The following ANO1 variants were observed in gnomAD, a reference collection of about 807,000 sequenced individuals.
The protein encoded by ANO1 is anoctamin-1.
Under a neutral mutation model 124.0 loss-of-function variants are expected in ANO1, and 59 were observed. The ratio of observed to expected loss-of-function variants is 0.48; its 90% confidence interval spans 0.39 to 0.59. The LOEUF is 0.59. Among genes scored for constraint, ANO1 ranks in the 20% least tolerant of loss-of-function variants. The probability of loss-of-function intolerance (pLI) is 0.00; values close to 1 mark genes in which losing one functional copy is unlikely to be tolerated. For missense variants in ANO1, 1,059 were observed against 1,328.0 expected (o/e 0.80, Z 3.15); for synonymous variants, 529 against 532.0 (o/e 0.99, Z 0.08).
intron 1 of ANO1, among the ~76,000 whole-genome samples, chr11:70,052,144 C>T (rs1053384817): frequency 1.3e-5 from 2 of 152,232 alleles, no homozygotes; most frequent in Admixed American, 1.3e-4. Flanking sequence ...ATTGATTTCA[C>T]ACCACTTACT....
upstream of ANO1, among the ~76,000 whole-genome samples, chr11:69,984,368 T>TC (rs376349960): frequency 2.6e-4 from 1 of 3,804 alleles, no homozygotes; most frequent in African/African-American, 3.8e-4. Context: ...GTGTGGGATT[T>TC]TGAGTCCGGA....
chr11:70,188,102 G>T lies in ANO1; in HGVS notation c.*98G>T, dbSNP rs113214121. ...TCCCGCTCCCACCAGGGCCCGGTGG[G>T]TCCTGGGTTTTCTGCAAACATGGAG... On this transcript the variant is annotated 3_prime_UTR_variant, in exon 26 of 26. Transcript: ENST00000355303. The T allele has an allele frequency of 2.1e-3, 2,892 of 1,395,132 alleles. 54 individuals carry two copies. The African/African-American group carries it at 0.038, about 18-fold the overall frequency. The allele number at this position is 1,395,132 out of a possible 1,614,324, so 86.4% of individuals were successfully genotyped here.
chr11:70,029,205 C>A (rs1555003534), intron 1 of ANO1, among the ~76,000 whole-genome samples: 1 of 152,218 alleles, frequency 6.6e-6, no homozygotes, highest in Non-Finnish European at 1.5e-5. Flanking sequence ...ACGAGCAGAG[C>A]CTTCCATGCC....
chr11:70,026,366 G>A (rs1402463260), intron 1 of ANO1, among the ~76,000 whole-genome samples: 1 of 150,904 alleles, frequency 6.6e-6, no homozygotes, highest in Non-Finnish European at 1.5e-5. Context: ...GATGGTGGTG[G>A]TGGTGATGAC....
At chr11:70,009,427 T>C (rs1223963814) in intron 1 of ANO1, among the ~76,000 whole-genome samples, 3 of 152,218 alleles carry the variant, frequency 2.0e-5, no homozygotes, top group Admixed American at 6.5e-5. Context: ...TCTGCTGCTG[T>C]CATGTCTGAC....
At chr11:70,061,019 A>G (rs1196397489) in intron 1 of ANO1, among the ~76,000 whole-genome samples, 1 of 152,226 alleles carries the variant, frequency 6.6e-6, no homozygotes, top group African/African-American at 2.4e-5. Flanking sequence ...ATCCAGATAC[A>G]GAGTCGGAAA....
intron 20 of ANO1, 143 bp downstream of exon 20, chr11:70,165,713 G>C (rs963624524): frequency 1.4e-6 from 1 of 701,110 alleles, no homozygotes; most frequent in African/African-American, 1.8e-5. Context: ...AGGACACAGA[G>C]GGAAGGTGGG....
At chr11:70,150,800 G>T (rs2047574175) in intron 12 of ANO1, among the ~76,000 whole-genome samples, 1 of 150,804 alleles carries the variant, frequency 6.6e-6, no homozygotes, top group Non-Finnish European at 1.5e-5. Flanking sequence ...CATTTTTATT[G>T]TAATGTAGAC....
chr11:70,078,800 C>T, intron 1 of ANO1, 86 bp downstream of exon 1: 1 of 874,036 alleles, frequency 1.1e-6, no homozygotes. Flanking sequence ...GCAGGGCCTC[C>T]TGGGACCCCA....
rs745855980 is a variant in ANO1, at chr11:70,161,162, T to C, written c.1580T>C (p.Ile527Thr). 6.2e-7 allele frequency: 1 copy of C among 1,613,392 alleles called. No homozygotes were observed. The highest frequency in any genetic ancestry group is 8.5e-7 in the Non-Finnish European group (1 of 1,179,772). Reference sequence around the variant, plus strand: ...AGAGTGCCCCTTTCCCCCCTGCAGATTGCAGTGACGTTTGCCATCGTCCTC... The same window carrying C: ...AGAGTGCCCCTTTCCCCCCTGCAGACTGCAGTGACGTTTGCCATCGTCCTC... ...LTNLVSIIFM[I>T]AVTFAIVLGV... Residue 527 changes from isoleucine to threonine, a missense_variant and splice_region_variant, in exon 17 of 26, where the codon ATT becomes ACT. Coordinates refer to ENST00000355303, the MANE Select transcript of ANO1 (RefSeq NM_018043.7).
intron 2 of ANO1, among the ~76,000 whole-genome samples, chr11:70,095,333 G>GA (rs1432114750): frequency 1.0e-5 from 1 of 96,524 alleles, no homozygotes; most frequent in Non-Finnish European, 2.1e-5. Context: ...AAGAAAGAAA[G>GA]GAAAGAGAAA....
intron 16 of ANO1, among the ~76,000 whole-genome samples, chr11:70,159,222 T>G (rs941907088): frequency 1.1e-4 from 16 of 152,108 alleles, no homozygotes; most frequent in Non-Finnish European, 1.9e-4. Flanking sequence ...CTCTCCAGGC[T>G]GGAAGAAGGG....
the ANO1 span, among the ~76,000 whole-genome samples, chr11:69,969,363 G>A: frequency 6.6e-6 from 1 of 152,308 alleles, no homozygotes; most frequent in East Asian, 1.9e-4. Flanking sequence ...GGACTGACCT[G>A]GGGCAAATCT....
the ANO1 span, among the ~76,000 whole-genome samples, chr11:69,980,863 C>T: frequency 5.3e-5 from 8 of 152,148 alleles, no homozygotes; most frequent in Admixed American, 2.0e-4. Flanking sequence ...ACCATCCTGG[C>T]CAACATGGTG....
chr11:70,006,582 A>T lies in ANO1; in HGVS notation c.58+20416A>T, dbSNP rs112312631. ...TCTTTCTTTTCTTTCTTTCTTTCTT[A>T]CTTACTTTCTTTCTTTCCTTCTTTC... On this transcript the variant is annotated intron_variant, in intron 1 of 27. Coordinates refer to the ANO1 transcript ENST00000531349. 8.7e-3 allele frequency among the ~76,000 whole-genome samples: 370 copies of T among 42,568 alleles called. 1 individual carries two copies. The highest frequency in any genetic ancestry group is 0.02 in the African/African-American group (307 of 15,556). The allele number at this position is 42,568 out of a possible 152,430, so 27.9% of individuals were successfully genotyped here.
intron 1 of ANO1, among the ~76,000 whole-genome samples, chr11:70,017,924 C>G (rs1211657138): frequency 6.6e-6 from 1 of 152,142 alleles, no homozygotes; most frequent in African/African-American, 2.4e-5. Flanking sequence ...AACTCCAGCC[C>G]CCTTTCCCTG....
intron 8 of ANO1, among the ~76,000 whole-genome samples, chr11:70,118,848 G>A (rs2046113069): frequency 6.7e-6 from 1 of 149,216 alleles, no homozygotes; most frequent in Non-Finnish European, 1.5e-5. Context: ...TGGATGGGTG[G>A]CTGATGGAAG....
At chr11:70,178,331 G>A (rs920852940) in intron 22 of ANO1, among the ~76,000 whole-genome samples, 7 of 152,164 alleles carry the variant, frequency 4.6e-5, no homozygotes, top group African/African-American at 1.7e-4. Flanking sequence ...AGCATGGGGT[G>A]GCCTTAGGGC....
intron 18 of ANO1, 129 bp downstream of exon 18, chr11:70,161,862 G>C: frequency 1.2e-6 from 1 of 857,042 alleles, no homozygotes; most frequent in Non-Finnish European, 1.9e-6. Flanking sequence ...CAGCCAAAGA[G>C]GGTCAGGGAG....
Sources: allele counts gnomAD v4.1 joint callset (sites outside exome capture counted in the v4.1 genomes callset), GRCh38; gene constraint gnomAD v4.1.1; transcripts MANE v1.5; gene names NCBI Gene and HGNC (gene_info 2026-07-23, HGNC 2026-07-21).